The following KAZN variants were observed in gnomAD, a reference collection of about 807,000 sequenced individuals.
KAZN encodes the protein kazrin, periplakin interacting protein, also known as kazrin.
A neutral mutation model predicts 87.4 loss-of-function variants in KAZN; 40 were observed. The ratio of observed to expected loss-of-function variants is 0.46; its 90% CI spans 0.36 to 0.60. The LOEUF (loss-of-function observed/expected upper bound fraction) is 0.60. Ranked by LOEUF, KAZN falls within the 20% of genes least tolerant of loss-of-function variation. The probability of loss-of-function intolerance (pLI) is 0.00; values close to 1 mark genes in which losing one functional copy is unlikely to be tolerated. For missense variants in KAZN, 898 were observed against 1,073.9 expected (o/e 0.84, Z 2.29); for synonymous variants, 466 against 458.3 (o/e 1.02, Z -0.22).
chr1:14,943,299 G>A (rs1005764613), intron 1 of KAZN, among the ~76,000 whole-genome samples: 6 of 151,982 alleles, frequency 3.9e-5, no homozygotes, highest in African/African-American at 7.3e-5. Flanking sequence ...GGGGACAGCA[G>A]CAGAATAGTG....
intron 1 of KAZN, among the ~76,000 whole-genome samples, chr1:13,908,763 G>A (rs1280611688): frequency 6.6e-6 from 1 of 152,180 alleles, no homozygotes; most frequent in African/African-American, 2.4e-5. Context: ...TCAAGTGGTG[G>A]AACAGGCCCG....
intron 1 of KAZN, among the ~76,000 whole-genome samples, chr1:14,880,482 T>C (rs1323820080): frequency 6.6e-6 from 1 of 152,170 alleles, no homozygotes; most frequent in African/African-American, 2.4e-5. Context: ...ATGGGTTTTG[T>C]GGGTCAGGGA....
At chr1:14,671,108 C>A (rs975518316) in intron 1 of KAZN, among the ~76,000 whole-genome samples, 7 of 152,136 alleles carry the variant, frequency 4.6e-5, no homozygotes, top group Non-Finnish European at 8.8e-5. Context: ...GATGTTGAGC[C>A]AGGGTGGTCA....
At chr1:14,263,466 C>G (rs1379547238) in intron 2 of KAZN, among the ~76,000 whole-genome samples, 1 of 152,158 alleles carries the variant, frequency 6.6e-6, no homozygotes. Context: ...TGATGGTTGA[C>G]AAACATATTA....
intron 2 of KAZN, among the ~76,000 whole-genome samples, chr1:14,252,650 T>C (rs1340594909): frequency 6.6e-6 from 1 of 152,216 alleles, no homozygotes; most frequent in Non-Finnish European, 1.5e-5. Context: ...ATATAGCTCT[T>C]AGGAGGATTC....
At chr1:14,568,950 G>A (rs561455372) in intron 2 of KAZN, among the ~76,000 whole-genome samples, 127 of 152,308 alleles carry the variant, frequency 8.3e-4, no homozygotes, top group African/African-American at 2.9e-3. Flanking sequence ...GGGAAATTAA[G>A]GCAGTTACAC....
At chr1:14,095,276 C>T (rs759294203) in intron 1 of KAZN, among the ~76,000 whole-genome samples, 8 of 152,266 alleles carry the variant, frequency 5.3e-5, no homozygotes, top group Admixed American at 3.3e-4. Context: ...AGGTATATGC[C>T]GTGGAGAGGA....
At position 14,202,403 on chromosome 1, in the gene KAZN, G is replaced by A. The variant is rs571709318; in HGVS notation, c.249+21811G>A. ...GAGACAGCATTACCAACCTGGTCTC[G>A]CCTGGTGTGGGAATCACAGGAAAGC... On this transcript the variant is annotated intron_variant, in intron 2 of 16. Coordinates refer to the KAZN transcript ENST00000636203. 2.9e-4 allele frequency among the ~76,000 whole-genome samples: 44 copies of A among 152,302 alleles called. No homozygotes were observed. The South Asian group carries it at 8.5e-3, about 29-fold the overall frequency.
At chr1:15,061,367 A>G (rs1304743698) in intron 6 of KAZN, 1 of 152,248 alleles carries the variant, frequency 6.6e-6, no homozygotes, top group Non-Finnish European at 1.5e-5. Flanking sequence ...AATAGCTAAG[A>G]GTAAACTTCA....
intron 1 of KAZN, among the ~76,000 whole-genome samples, chr1:14,883,777 A>G (rs1473262886): frequency 6.6e-6 from 1 of 152,190 alleles, no homozygotes; most frequent in Non-Finnish European, 1.5e-5. Flanking sequence ...ACCCTGAACT[A>G]TAATCTGAAA....
chr1:14,089,704 C>T (rs1028452515), intron 1 of KAZN, among the ~76,000 whole-genome samples: 2 of 152,098 alleles, frequency 1.3e-5, no homozygotes, highest in Admixed American at 6.6e-5. Flanking sequence ...AGAAAACTGC[C>T]TTTCATATTT....
chr1:14,759,090 G>A (rs527723613), intron 1 of KAZN, among the ~76,000 whole-genome samples: 6 of 152,254 alleles, frequency 3.9e-5, no homozygotes, highest in Non-Finnish European at 8.8e-5. Context: ...TTCTCTTGGA[G>A]ATTAACTTTG....
At chr1:14,394,471 T>G (rs908278207) in intron 2 of KAZN, among the ~76,000 whole-genome samples, 1 of 152,262 alleles carries the variant, frequency 6.6e-6, no homozygotes, top group African/African-American at 2.4e-5. Context: ...ATCAACATTA[T>G]GTAATAATAA....
At chr1:14,125,740 A>G (rs903784945) in intron 1 of KAZN, among the ~76,000 whole-genome samples, 1 of 152,260 alleles carries the variant, frequency 6.6e-6, no homozygotes, top group Non-Finnish European at 1.5e-5. Context: ...AGCCACAGGA[A>G]ATGAATGCAG....
intron 2 of KAZN, among the ~76,000 whole-genome samples, chr1:14,334,426 G>C (rs542543939): frequency 6.8e-6 from 1 of 146,262 alleles, no homozygotes; most frequent in South Asian, 2.2e-4. Flanking sequence ...GGCCATAAAG[G>C]AGGCGTGGCC....
rs139406637 is a variant in KAZN at position 14,592,578 on chromosome 1, A to T, written c.250-6405A>T. Among the ~76,000 whole-genome samples, 248 of 152,304 alleles carry T rather than the reference A, an allele frequency of 1.6e-3. 2 individuals carry two copies. Among genetic ancestry groups the T allele is most frequent in the African/African-American group, 5.7e-3 (238 of 41,560 alleles). On this transcript the variant is annotated intron_variant, in intron 2 of 16. Transcript: ENST00000636203. ...GAGAATTCCATGTCATGTGGTCTTC[A>T]TCTTCGCTTCGGGAAACACTGAAGA...
chr1:14,305,717 A>AG (rs1654877581), intron 2 of KAZN, among the ~76,000 whole-genome samples: 1 of 151,386 alleles, frequency 6.6e-6, no homozygotes, highest in Non-Finnish European at 1.5e-5. Flanking sequence ...TTTGGATGGC[A>AG]GGGTATCGCT....
chr1:14,323,055 C>T (rs1288000358), intron 2 of KAZN, among the ~76,000 whole-genome samples: 1 of 152,100 alleles, frequency 6.6e-6, no homozygotes, highest in Non-Finnish European at 1.5e-5. Context: ...ACCATTAGAT[C>T]TCATGAGAAC....
intron 4 of KAZN, among the ~76,000 whole-genome samples, chr1:15,049,295 C>T (rs1405520094): frequency 6.6e-6 from 1 of 152,252 alleles, no homozygotes; most frequent in Non-Finnish European, 1.5e-5. Flanking sequence ...TCACACGGAC[C>T]TCGCTGCTGA....
Sources: allele counts gnomAD v4.1 joint callset (sites outside exome capture counted in the v4.1 genomes callset), GRCh38; gene constraint gnomAD v4.1.1; transcripts MANE v1.5; gene names NCBI Gene and HGNC (gene_info 2026-07-23, HGNC 2026-07-21).